TMC7: variants seen among roughly 807,000 people sequenced by gnomAD.
TMC7 encodes transmembrane channel like 7.
TMC7 carries 54 observed loss-of-function variants against 82.9 expected under a neutral mutation model. That is an observed-to-expected ratio of 0.65 (90% CI 0.52 to 0.82). The LOEUF (loss-of-function observed/expected upper bound fraction) is 0.82, where lower values mean the gene tolerates loss of function less well. Among genes scored for constraint, TMC7 ranks in the 40% least tolerant of loss-of-function variants. The probability of loss-of-function intolerance (pLI) is 0.00; values close to 1 mark genes in which losing one functional copy is unlikely to be tolerated. For synonymous variants in TMC7, 350 were observed against 337.9 expected, an observed-to-expected ratio of 1.04 and a Z score of -0.39; for missense variants, 820 against 901.2, an observed-to-expected ratio of 0.91 and a Z score of 1.15.
intron 5 of TMC7, among the ~76,000 whole-genome samples, chr16:19,025,836 C>T (rs113578773): frequency 6.6e-6 from 1 of 151,480 alleles, no homozygotes; most frequent in Admixed American, 6.6e-5. Context: ...CTCATTGCAA[C>T]CTCTGCCTCC....
chr16:19,004,446 C>A (rs964630876), intron 1 of TMC7, among the ~76,000 whole-genome samples: 1 of 151,980 alleles, frequency 6.6e-6, no homozygotes, highest in African/African-American at 2.4e-5. Context: ...CTCACTGCAA[C>A]CTCCGCCTCC....
At chr16:19,047,945 C>T (rs552309959) in intron 12 of TMC7, among the ~76,000 whole-genome samples, 53 of 151,836 alleles carry the variant, frequency 3.5e-4, no homozygotes, top group East Asian at 5.8e-4. Context: ...GTGATCCACC[C>T]GCCTCGGCCT....
chr16:19,026,594 G>A (rs375088521), intron 5 of TMC7, among the ~76,000 whole-genome samples: 2 of 151,846 alleles, frequency 1.3e-5, no homozygotes, highest in Non-Finnish European at 2.9e-5. Flanking sequence ...AAGTTTCTTC[G>A]CACACTGTAA....
At chr16:19,042,280 C>T (rs550439717) in intron 9 of TMC7, among the ~76,000 whole-genome samples, 25 of 151,842 alleles carry the variant, frequency 1.6e-4, no homozygotes, top group Admixed American at 1.6e-3. Context: ...GCCCAAGTGA[C>T]CCTCCTGCCT....
chr16:19,049,300 A>G (rs1466780793), intron 12 of TMC7, among the ~76,000 whole-genome samples: 1 of 152,210 alleles, frequency 6.6e-6, no homozygotes, highest in Non-Finnish European at 1.5e-5. Context: ...CTGGGATTAC[A>G]GGTGTGAGCC....
chr16:19,025,147 A>G (rs1305081229), intron 5 of TMC7, among the ~76,000 whole-genome samples: 4 of 152,142 alleles, frequency 2.6e-5, no homozygotes, highest in Non-Finnish European at 5.9e-5. Flanking sequence ...TACCCACTAG[A>G]TGCCAGCAGC....
At position 19,062,045 on chromosome 16, in the gene TMC7, C is replaced by CCCA. The variant is rs1163045865; in HGVS notation, c.*203_*205dup. On this transcript the variant is annotated 3_prime_UTR_variant, in exon 16 of 16. Coordinates refer to ENST00000304381, the MANE Select transcript of TMC7 (RefSeq NM_024847.4). ...CAGTGACTTAGAAAAGCAGGGGAAACCCAAGGCTTTGCCTGCAGACCGGCC... is the reference window on the plus strand; with the variant it reads ...CAGTGACTTAGAAAAGCAGGGGAAACCCACCAAGGCTTTGCCTGCAGACCGGCC... The CCCA allele has an allele frequency of 2.1e-5, 9 of 424,400 alleles. No individual in the cohort carries two copies. Among genetic ancestry groups the CCCA allele is most frequent in the Admixed American group, 4.2e-5 (1 of 23,856 alleles). 26.3% of individuals were successfully genotyped at this position (424,400 alleles called of 1,614,324 possible).
In TMC7 at chr16:19,040,375, A is replaced by C; in HGVS notation, c.1266A>C (p.Pro422=). The C allele has an allele frequency of 3.7e-6, 6 of 1,613,814 alleles. No individual in the cohort carries two copies. The highest frequency in any genetic ancestry group is 5.1e-6 in the Non-Finnish European group (6 of 1,179,910). The stretch of plus-strand genomic sequence containing the variant: ...TCACGCTGGCCAATTTTATCACCCC[A>C]ATGATCTTTGCCAAGATCATCCGCT... The part of the protein sequence containing the change: ...IVITLANFIT[P]MIFAKIIRYE... Residue 422 remains proline (P), a synonymous_variant, in exon 9 of 16, where the codon CCA becomes CCC. Transcript: ENST00000304381.
intron 14 of TMC7, 77 bp downstream of exon 14, chr16:19,056,774 C>T: frequency 6.6e-7 from 1 of 1,510,666 alleles, no homozygotes; most frequent in Non-Finnish European, 9.0e-7. Context: ...GGGGCGGGGT[C>T]ACCCTAGACT....
chr16:19,030,462 G>A lies in TMC7; in HGVS notation c.857+93G>A. ...CTCTGGAAGCCATTGCCTAAAGGAT[G>A]AGTGGAGTCCAATGATGGGTTTTGT... On this transcript the variant is annotated intron_variant, in intron 6 of 15. Transcript: ENST00000304381. 4.9e-6 allele frequency: 7 copies of A among 1,429,786 alleles called. No individual in the cohort carries two copies. The South Asian group carries it at 1.0e-4, about 20-fold the overall frequency. The allele number at this position is 1,429,786 out of a possible 1,614,324, so 88.6% of individuals were successfully genotyped here.
intron 3 of TMC7, among the ~76,000 whole-genome samples, chr16:19,020,853 A>AAAATAAATAAATAAAT (rs144614183): frequency 7.7e-5 from 11 of 142,488 alleles, no homozygotes; most frequent in East Asian, 2.1e-4. Context: ...CATGGTGTCA[A>AAAATAAATAAATAAAT]AAATAAATAA....
At chr16:19,003,190 T>G (rs1461865705) in intron 1 of TMC7, among the ~76,000 whole-genome samples, 1 of 151,876 alleles carries the variant, frequency 6.6e-6, no homozygotes, top group East Asian at 1.9e-4. Context: ...AAGAAAAAAA[T>G]TATCCAGGTG....
chr16:19,026,425 C>T (rs1172982441), intron 5 of TMC7, among the ~76,000 whole-genome samples: 3 of 150,008 alleles, frequency 2.0e-5, no homozygotes, highest in Non-Finnish European at 3.0e-5. Context: ...TGCAGCGAGC[C>T]GAGATCATGC....
intron 1 of TMC7, among the ~76,000 whole-genome samples, chr16:18,999,145 C>T: frequency 6.6e-6 from 1 of 152,126 alleles, no homozygotes; most frequent in East Asian, 1.9e-4. Flanking sequence ...CTCGAGCGAT[C>T]CTCCCACCTC....
At chr16:19,020,483 T>A (rs1959913182) in intron 3 of TMC7, among the ~76,000 whole-genome samples, 1 of 152,216 alleles carries the variant, frequency 6.6e-6, no homozygotes, top group Non-Finnish European at 1.5e-5. Flanking sequence ...TTAATGTTAG[T>A]GTCTCTATAT....
chr16:19,020,891 A>AATAAATAAATAAATGC (rs1424288105), intron 3 of TMC7, among the ~76,000 whole-genome samples: 2 of 151,532 alleles, frequency 1.3e-5, no homozygotes, highest in African/African-American at 4.8e-5. Flanking sequence ...TAAATAAATA[A>AATAAATAAATAAATGC]AAGCCAGATA....
Position 18,991,721 on chromosome 16 carries a change from G to C in TMC7, c.67+7591G>C, listed in dbSNP as rs528046343. Among the ~76,000 whole-genome samples, 186 of 152,128 alleles carry C rather than the reference G, an allele frequency of 1.2e-3. 2 individuals carry two copies. The highest frequency in any genetic ancestry group is 4.3e-3 in the African/African-American group (177 of 41,512). ...ATTTACATTAGGTGTATCTCCTAAT[G>C]CTATCCCTCCCCCGTCCCCGCACCG... On this transcript the variant is annotated intron_variant, in intron 1 of 15. Coordinates refer to ENST00000304381, the MANE Select transcript of TMC7 (RefSeq NM_024847.4).
Position 19,007,781 on chromosome 16 carries a change from C to CT in TMC7, c.68-1377dup, listed in dbSNP as rs796593328. Among the ~76,000 whole-genome samples the CT allele has an allele frequency of 3.4e-3, 482 of 143,558 alleles. 3 individuals are homozygous for CT. Among genetic ancestry groups the CT allele is most frequent in the African/African-American group, 6.9e-3 (272 of 39,634 alleles). The allele number at this position is 143,558 out of a possible 152,430, so 94.2% of individuals were successfully genotyped here. On this transcript the variant is annotated intron_variant, in intron 1 of 15. Transcript: ENST00000304381. ...CTCTGTCCCCTGACACCACTCTGTT[C>CT]TTTTTTTTTTTTTTCATTACACTTA...
In TMC7 at chr16:19,009,365, C is replaced by T. The variant is rs369577791; in HGVS notation, c.261C>T (p.Ser87=). Residue 87 remains serine, a synonymous_variant, in exon 2 of 16, where the codon AGC becomes AGT. Transcript: ENST00000304381. ...ACAGAATCGCTGAAAACCTCAGCAG[C>T]CATTCTCTTCGAAATTATGCACTGA... The part of the protein sequence containing the change: ...LEDRIAENLS[S]HSLRNYALNI... The T allele has an allele frequency of 6.8e-6, 11 of 1,614,058 alleles. No individual in the cohort carries two copies. The African/African-American group carries it at 1.5e-4, about 22-fold the overall frequency.
Sources: gnomAD v4.1 joint callset for allele counts (sites outside exome capture counted in the v4.1 genomes callset) on GRCh38, gnomAD v4.1.1 for gene constraint, MANE v1.5 for transcripts, NCBI Gene and HGNC (gene_info 2026-07-23, HGNC 2026-07-21) for gene names.